POLR1A: variants seen among roughly 807,000 people sequenced by gnomAD.
POLR1A encodes the protein DNA-directed RNA polymerase I subunit RPA1.
Under a neutral mutation model 205.3 loss-of-function variants are expected in POLR1A, and 84 were observed. That is an observed-to-expected ratio of 0.41 (90% CI 0.34 to 0.49). POLR1A has a LOEUF of 0.49. POLR1A is among the 20% of genes least tolerant of loss of function. POLR1A has a pLI of 0.22. For synonymous variants in POLR1A, 799 were observed against 863.7 expected, an observed-to-expected ratio of 0.93 and a Z score of 1.31; for missense variants, 1,645 against 2,204.5, an observed-to-expected ratio of 0.75 and a Z score of 5.08.
Position 86,048,991 on chromosome 2 carries a change from G to T in POLR1A, c.2527C>A (p.Arg843=). The T allele has an allele frequency of 6.2e-7, 1 of 1,614,102 alleles. No homozygotes were observed. The highest frequency in any genetic ancestry group is 8.5e-7 in the Non-Finnish European group (1 of 1,179,948). The change falls in exon 18 of 34, where the codon CGA becomes AGA. Residue 843 remains arginine (R), a synonymous_variant. Coordinates refer to ENST00000263857, the MANE Select transcript of POLR1A (RefSeq NM_015425.6). Reference sequence around the variant, plus strand: ...AGATGGGCATCCTGCCATTTTCCTCGGACCTCATCATATGATGCGGCTTCT... The same window carrying T: ...AGATGGGCATCCTGCCATTTTCCTCTGACCTCATCATATGATGCGGCTTCT... ...LPEAASYDEV[R]GKWQDAHLGK... is the part of the protein sequence containing the mutation.
rs4832245 is a variant in POLR1A at position 86,105,686 on chromosome 2, G to A, written c.77+14C>T. The A allele has an allele frequency of 0.82, 1,303,407 of 1,595,424 alleles. 539,868 individuals carry two copies. The highest frequency in any genetic ancestry group is 0.84 in the Non-Finnish European group (981,022 of 1,163,106). On this transcript the variant is annotated intron_variant, in intron 1 of 33. Coordinates refer to ENST00000263857, the MANE Select transcript of POLR1A (RefSeq NM_015425.6). The stretch of plus-strand genomic sequence containing the variant: ...AAGATCCAGGCTGGGCACGCTACCC[G>A]ACCAACTCCTTACTTGAGCTCTTCA...
At chr2:86,057,476 A>G (rs540896433) in intron 14 of POLR1A, among the ~76,000 whole-genome samples, 64 of 152,330 alleles carry the variant, frequency 4.2e-4, no homozygotes, top group Non-Finnish European at 1.5e-4. Context: ...ACCCAGGAAA[A>G]CTGAAAACAC....
Position 86,025,504 on chromosome 2 carries a change from C to CAT in POLR1A, c.*1917_*1918dup, listed in dbSNP as rs369949089. 80 of 152,376 alleles carry CAT rather than the reference C, an allele frequency of 5.3e-4. No individual in the cohort carries two copies. The highest frequency in any genetic ancestry group is 1.9e-3 in the African/African-American group (80 of 41,596). The allele number at this position is 152,376 out of a possible 1,614,324, so 9.4% of individuals were successfully genotyped here. A position where few individuals can be genotyped will look rare whatever the true frequency, so the allele number is the denominator to read the frequency against. On this transcript the variant is annotated 3_prime_UTR_variant, in exon 34 of 34. Transcript: ENST00000263857. ...CAGACATGCTGTCTTAATACTCATC[C>CAT]ATCAGGAAAGACACAGGAATAAAAC...
intron 12 of POLR1A, among the ~76,000 whole-genome samples, chr2:86,071,171 T>G: frequency 1.2e-5 from 1 of 84,140 alleles, no homozygotes. Context: ...GCATGTGACA[T>G]GATGAAAAAA....
chr2:86,102,255 G>A (rs1342705166), intron 1 of POLR1A, among the ~76,000 whole-genome samples: 1 of 152,142 alleles, frequency 6.6e-6, no homozygotes, highest in Non-Finnish European at 1.5e-5. Context: ...TCACACTAAT[G>A]GTGTACAAAA....
chr2:86,042,392 T>C (rs1017579634), intron 23 of POLR1A, among the ~76,000 whole-genome samples: 1 of 152,216 alleles, frequency 6.6e-6, no homozygotes, highest in Non-Finnish European at 1.5e-5. Context: ...GAGACTGTTA[T>C]GATTAGGCTA....
rs565821798 is a variant in POLR1A, at chr2:86,028,959, C to T, written c.4780-248G>A. ...GAATCCAGCGTGTCCACTTTGGACA[C>T]GCTTTAGATTCAATGGGAAGAAAAG... On this transcript the variant is annotated intron_variant, in intron 31 of 33. Coordinates refer to ENST00000263857, the MANE Select transcript of POLR1A (RefSeq NM_015425.6). The surrounding 1 kb of genome is among the most constrained non-coding windows in gnomAD (Gnocchi z 4.5). 3.3e-5 allele frequency among the ~76,000 whole-genome samples: 5 copies of T among 152,286 alleles called. No homozygotes were observed. Among genetic ancestry groups the T allele is most frequent in the South Asian group, 2.1e-4 (1 of 4,824 alleles).
At chr2:86,082,776 T>C (rs1175174963) in intron 7 of POLR1A, among the ~76,000 whole-genome samples, 1 of 152,188 alleles carries the variant, frequency 6.6e-6, no homozygotes, top group Admixed American at 6.5e-5. Flanking sequence ...TTACGGGCAT[T>C]TAAAATAAGT....
Position 86,088,880 on chromosome 2 carries a change from T to C in POLR1A, c.541-10A>G, listed in dbSNP as rs764808058. The C allele has an allele frequency of 2.8e-5, 45 of 1,600,048 alleles. No individual in the cohort carries two copies. The highest frequency in any genetic ancestry group is 3.8e-5 in the Non-Finnish European group (45 of 1,171,144). ...CACACACGTTCTTTACCTGTTTTTT[T>C]AAAAAAAGTCAGAGAACCTTGGAGT... is the stretch of plus-strand genomic sequence containing the variant. On this transcript the variant is annotated splice_polypyrimidine_tract_variant and intron_variant, in intron 4 of 33. Coordinates refer to ENST00000263857, the MANE Select transcript of POLR1A (RefSeq NM_015425.6).
chr2:86,072,232 C>G (rs942587189), intron 12 of POLR1A, among the ~76,000 whole-genome samples: 1 of 152,192 alleles, frequency 6.6e-6, no homozygotes, highest in Non-Finnish European at 1.5e-5. Flanking sequence ...AAACCTTCCC[C>G]TCCCCATTGC....
intron 6 of POLR1A, 72 bp from the exon 7 acceptor site, chr2:86,083,240 A>G (rs1383528129): frequency 9.4e-7 from 1 of 1,066,430 alleles, no homozygotes; most frequent in Admixed American, 1.8e-5. Flanking sequence ...GGATTTATCA[A>G]TTCTTTATCC....
chr2:86,078,162 A>G lies in POLR1A; in HGVS notation c.1209T>C (p.Asp403=). The change falls in exon 10 of 34, where the codon GAT becomes GAC. Residue 403 remains aspartate (D), a synonymous_variant. Coordinates refer to ENST00000263857, the MANE Select transcript of POLR1A (RefSeq NM_015425.6). ...RLQSHVNIVF[D]SEMDKLMMDK... Reference sequence around the variant, plus strand: ...CCATCATTAGTTTGTCCATCTCGCTATCAAACACAATATTGACGTGGCTCT... The same window carrying G: ...CCATCATTAGTTTGTCCATCTCGCTGTCAAACACAATATTGACGTGGCTCT... The G allele has an allele frequency of 1.2e-6, 2 of 1,612,782 alleles. No homozygotes were observed. The highest frequency in any genetic ancestry group is 1.7e-6 in the Non-Finnish European group (2 of 1,179,762).
chr2:86,085,723 C>T (rs1027794572), intron 6 of POLR1A, among the ~76,000 whole-genome samples: 6 of 152,242 alleles, frequency 3.9e-5, no homozygotes, highest in Non-Finnish European at 8.8e-5. Flanking sequence ...CATCTCCTCA[C>T]ATGCGCTGCA....
chr2:86,098,288 A>T (rs780546582), intron 3 of POLR1A, among the ~76,000 whole-genome samples: 4 of 152,234 alleles, frequency 2.6e-5, no homozygotes, highest in Non-Finnish European at 5.9e-5. Flanking sequence ...ACAATGTTCT[A>T]CTTTAAGACA....
At position 86,048,770 on chromosome 2, in the gene POLR1A, C is replaced by T. The variant is rs115198396; in HGVS notation, c.2634+114G>A. On this transcript the variant is annotated intron_variant, in intron 18 of 33. Coordinates refer to ENST00000263857, the MANE Select transcript of POLR1A (RefSeq NM_015425.6). ...CATCCCACCTCGCATCTCACCTAGT[C>T]AGCTGTTCAACAGCCAAGGTGCTCT... is the stretch of plus-strand genomic sequence containing the variant. The T allele has an allele frequency of 3.3e-3, 2,993 of 914,610 alleles. 67 individuals carry two copies. The African/African-American group carries it at 0.043, about 13-fold the overall frequency. 56.7% of individuals were successfully genotyped at this position (914,610 alleles called of 1,614,324 possible).
intron 12 of POLR1A, among the ~76,000 whole-genome samples, chr2:86,072,948 C>T (rs1673206185): frequency 2.0e-5 from 3 of 152,216 alleles, no homozygotes; most frequent in Non-Finnish European, 4.4e-5. Context: ...AGCAGTGGCT[C>T]ATGCCTGTAA....
chr2:86,040,486 C>A lies in POLR1A; in HGVS notation c.3646G>T (p.Ala1216Ser), dbSNP rs1672581431. The A allele has an allele frequency of 1.2e-6, 2 of 1,613,206 alleles. No homozygotes were observed. Among genetic ancestry groups the A allele is most frequent in the Admixed American group, 1.7e-5 (1 of 59,892 alleles). Residue 1216 changes from alanine to serine, a missense_variant, in exon 25 of 34, where the codon GCC (alanine) becomes TCC (serine). Physicochemically the swap from Ala to Ser is moderately conservative, Grantham distance 99 (BLOSUM62 1). Coordinates refer to ENST00000263857, the MANE Select transcript of POLR1A (RefSeq NM_015425.6). ...GTGGAGGGCTCTCCGATGCTCTGGG[C>A]AGCCAGCAGGCCCACAGCCTCGCCC... is the stretch of plus-strand genomic sequence containing the variant. The part of the protein sequence containing the change: ...EPGEAVGLLA[A>S]QSIGEPSTQM...
At chr2:86,045,937 A>G (rs931541617) in intron 19 of POLR1A, among the ~76,000 whole-genome samples, 168 bp from the exon 20 acceptor site, 4 of 148,416 alleles carry the variant, frequency 2.7e-5, no homozygotes, top group African/African-American at 1.0e-4. Flanking sequence ...TCATTTTAAG[A>G]AAAAAAAAAT....
In POLR1A at chr2:86,088,589, C is replaced by A. The variant is rs376079853; in HGVS notation, c.707G>T (p.Gly236Val). Reference protein sequence around the residue: ...TFPAMVHRTAGQKDSEPLGIE... With the variant: ...TFPAMVHRTAVQKDSEPLGIE... The stretch of plus-strand genomic sequence containing the variant: ...ACCCAGGGGCTCAGAGTCCTTCTGG[C>A]CAGCTGTCCTGTGCACCATGGCTGG... The change falls in exon 6 of 34, where the codon GGC becomes GTC. Residue 236 changes from glycine to valine, a missense_variant. By Grantham distance (109) the Gly-to-Val change is moderately radical. Coordinates refer to ENST00000263857, the MANE Select transcript of POLR1A (RefSeq NM_015425.6). 5.0e-5 allele frequency: 80 copies of A among 1,613,738 alleles called. No individual in the cohort carries two copies. The highest frequency in any genetic ancestry group is 6.5e-5 in the Non-Finnish European group (77 of 1,179,716).
Sources: gnomAD v4.1 joint callset for allele counts (sites outside exome capture counted in the v4.1 genomes callset) on GRCh38, gnomAD v4.1.1 for gene constraint, Gnocchi (gnomAD v3.1) non-coding constraint, MANE v1.5 for transcripts, NCBI Gene and HGNC (gene_info 2026-07-23, HGNC 2026-07-21) for gene names.